The following CRYBG1 variants were observed in gnomAD, a reference collection of about 807,000 sequenced individuals.
CRYBG1 encodes crystallin beta-gamma domain containing 1.
Under a neutral mutation model 189.2 loss-of-function variants are expected in CRYBG1, and 139 were observed. That is an observed-to-expected ratio of 0.73 (90% CI 0.64 to 0.85). The LOEUF (loss-of-function observed/expected upper bound fraction) is 0.85, where lower values mean the gene tolerates loss of function less well. CRYBG1 is among the 40% of genes least tolerant of loss of function. CRYBG1 has a pLI of 0.00. For missense variants in CRYBG1, 2,611 were observed against 2,675.8 expected, an observed-to-expected ratio of 0.98 and a Z score of 0.53; for synonymous variants, 1,023 against 1,017.1, an observed-to-expected ratio of 1.01 and a Z score of -0.11.
intron 1 of CRYBG1, among the ~76,000 whole-genome samples, chr6:106,425,434 T>G (rs1028619494): frequency 1.3e-5 from 2 of 152,222 alleles, no homozygotes; most frequent in Non-Finnish European, 2.9e-5. Flanking sequence ...ATACTTGCAG[T>G]TAACTCCCTT....
intron 2 of CRYBG1, among the ~76,000 whole-genome samples, chr6:106,503,602 C>A (rs932012481): frequency 6.6e-6 from 1 of 152,086 alleles, no homozygotes; most frequent in Admixed American, 6.5e-5. Context: ...CTTTAAGGTG[C>A]GGAGAAAATT....
intron 1 of CRYBG1, among the ~76,000 whole-genome samples, chr6:106,436,048 C>T (rs1306376440): frequency 6.6e-6 from 1 of 152,140 alleles, no homozygotes; most frequent in African/African-American, 2.4e-5. Context: ...GTTCCATCAT[C>T]GGAGTTTTAC....
intron 18 of CRYBG1, among the ~76,000 whole-genome samples, chr6:106,558,998 CTCTTA>C (rs1478242170): frequency 1.3e-5 from 2 of 150,700 alleles, no homozygotes; most frequent in Non-Finnish European, 2.9e-5. Context: ...ATTTCTCCCT[CTCTTA>C]TATTATCTTA....
intron 8 of CRYBG1, among the ~76,000 whole-genome samples, chr6:106,534,599 C>G (rs1773957462): frequency 6.6e-6 from 1 of 152,066 alleles, no homozygotes; most frequent in African/African-American, 2.4e-5. Context: ...ATTCCAGGGC[C>G]CATTCACTCT....
intron 3 of CRYBG1, among the ~76,000 whole-genome samples, chr6:106,517,435 C>CACACATATATATATAT (rs1554188249): frequency 1.8e-4 from 23 of 124,350 alleles, no homozygotes; most frequent in African/African-American, 7.2e-4. Flanking sequence ...TATATACACA[C>CACACATATATATATAT]ACACATATAT....
At chr6:106,382,738 C>A (rs1770309846) in intron 1 of CRYBG1, among the ~76,000 whole-genome samples, 1 of 151,914 alleles carries the variant, frequency 6.6e-6, no homozygotes. Flanking sequence ...AATATTTATG[C>A]CAGAATCAAA....
At chr6:106,434,152 A>AAG (rs35292541) in intron 1 of CRYBG1, among the ~76,000 whole-genome samples, 83 of 148,824 alleles carry the variant, frequency 5.6e-4, no homozygotes, top group African/African-American at 1.3e-3. Flanking sequence ...ATCAGAGAGA[A>AAG]AGAGAGAGAG....
chr6:106,444,902 G>A (rs2114426905), intron 1 of CRYBG1, among the ~76,000 whole-genome samples: 1 of 152,224 alleles, frequency 6.6e-6, no homozygotes, highest in Non-Finnish European at 1.5e-5. Context: ...GGGAGGCTGA[G>A]GCAAGACAAT....
chr6:106,549,134 A>G (rs77183886), intron 13 of CRYBG1, among the ~76,000 whole-genome samples: 5,044 of 151,894 alleles, frequency 0.033, 268 homozygotes, highest in East Asian at 0.19. Flanking sequence ...TTCTTAATCC[A>G]GTCATGTAGA....
intron 3 of CRYBG1, among the ~76,000 whole-genome samples, chr6:106,514,207 A>G (rs1773366468): frequency 6.6e-6 from 1 of 152,158 alleles, no homozygotes; most frequent in Admixed American, 6.5e-5. Context: ...TGAAACTGAT[A>G]AGACCCTCCC....
chr6:106,534,069 C>CT (rs924051978), intron 8 of CRYBG1, among the ~76,000 whole-genome samples: 42 of 151,952 alleles, frequency 2.8e-4, no homozygotes, highest in Admixed American at 2.0e-3. Context: ...AGTCTATACA[C>CT]TTTTTTTTAA....
At chr6:106,539,246 A>G (rs1412009598) in intron 8 of CRYBG1, among the ~76,000 whole-genome samples, 157 bp from the exon 9 acceptor site, 1 of 152,214 alleles carries the variant, frequency 6.6e-6, no homozygotes, top group East Asian at 1.9e-4. Context: ...TTTTTCCTTG[A>G]GTCTAGTGTG....
intron 1 of CRYBG1, among the ~76,000 whole-genome samples, chr6:106,364,510 G>GT (rs1405253726): frequency 6.6e-6 from 1 of 151,882 alleles, no homozygotes; most frequent in Non-Finnish European, 1.5e-5. Flanking sequence ...TACTCTTAAA[G>GT]TTTTTTTTCA....
At chr6:106,562,863 GT>G (rs1425397010) in intron 20 of CRYBG1, among the ~76,000 whole-genome samples, 2 of 151,068 alleles carry the variant, frequency 1.3e-5, no homozygotes, top group East Asian at 4.0e-4. Flanking sequence ...GTCTAGCTCT[GT>G]TGCCCAGGCT....
intron 15 of CRYBG1, 161 bp downstream of exon 15, chr6:106,552,377 G>T (rs761903021): frequency 9.5e-6 from 4 of 422,278 alleles, no homozygotes; most frequent in Non-Finnish European, 1.7e-5. Context: ...CTTGAGCTCA[G>T]GAGTTCAAGA....
chr6:106,429,502 G>A (rs574430036), intron 1 of CRYBG1, among the ~76,000 whole-genome samples: 2 of 152,186 alleles, frequency 1.3e-5, no homozygotes, highest in Non-Finnish European at 1.5e-5. Context: ...AATACTTTAA[G>A]TCACTTACTC....
chr6:106,490,514 C>T (rs144975253), intron 2 of CRYBG1, among the ~76,000 whole-genome samples: 66 of 152,318 alleles, frequency 4.3e-4, no homozygotes, highest in African/African-American at 1.6e-3. Flanking sequence ...GCCCTATGAA[C>T]ACTTTCTCTA....
intron 2 of CRYBG1, among the ~76,000 whole-genome samples, chr6:106,504,913 C>A (rs1243354668): frequency 6.6e-6 from 1 of 151,294 alleles, no homozygotes; most frequent in Admixed American, 6.6e-5. Flanking sequence ...AACTTTAATT[C>A]TAAAAGTCTT....
At chr6:106,369,077 T>C (rs1554229953) in intron 1 of CRYBG1, among the ~76,000 whole-genome samples, 1 of 152,214 alleles carries the variant, frequency 6.6e-6, no homozygotes, top group Non-Finnish European at 1.5e-5. Context: ...TTTAAATGTG[T>C]TCAGAATACT....
Sources: allele counts gnomAD v4.1 joint callset (sites outside exome capture counted in the v4.1 genomes callset), GRCh38; gene constraint gnomAD v4.1.1; transcripts MANE v1.5; gene names NCBI Gene and HGNC (gene_info 2026-07-23, HGNC 2026-07-21).